The following CREBBP variants were observed in gnomAD, a reference collection of about 807,000 sequenced individuals.
CREBBP encodes CREB binding lysine acetyltransferase, also known as CREB-binding protein.
In CREBBP, 19 loss-of-function variants were observed where a neutral mutation model predicts 265.0. The observed-to-expected ratio is 0.07, with a 90% CI of 0.05 to 0.11. The LOEUF (loss-of-function observed/expected upper bound fraction) is 0.11, where lower values mean the gene tolerates loss of function less well. Among genes scored for constraint, CREBBP ranks in the 10% least tolerant of loss-of-function variants. The pLI is 1.00. For missense variants in CREBBP, 2,525 were observed against 3,219.0 expected (o/e 0.78, Z 5.22); for synonymous variants, 1,457 against 1,223.7 (o/e 1.19, Z -3.98).
chr16:3,730,075 GATGGGATCATGGACAAC>G lies in CREBBP; in HGVS notation c.5173-218_5173-202del, dbSNP rs367793587. ...ACGGACAAGATGGGATCATGGACGG[GATGGGATCATGGACAAC>G]ATGGGATCATGGACAGGACGGGGGC... On this transcript the variant is annotated intron_variant, in intron 30 of 30. Transcript: ENST00000262367. 0.047 allele frequency among the ~76,000 whole-genome samples: 7,131 copies of G among 152,188 alleles called. 536 individuals are homozygous for G. The highest frequency in any genetic ancestry group is 0.16 in the African/African-American group (6,628 of 41,454).
At chr16:3,763,773 T>C (rs533776494) in intron 16 of CREBBP, among the ~76,000 whole-genome samples, 1 of 152,254 alleles carries the variant, frequency 6.6e-6, no homozygotes, top group African/African-American at 2.4e-5. Flanking sequence ...CTGAAACAAT[T>C]TTTATAACAC....
At chr16:3,858,270 A>C (rs1329263787) in intron 1 of CREBBP, among the ~76,000 whole-genome samples, 2 of 152,178 alleles carry the variant, frequency 1.3e-5, no homozygotes, top group Non-Finnish European at 2.9e-5. Flanking sequence ...TCTGAAAAAA[A>C]TTTCAAAGCC....
chr16:3,745,351 G>A lies in CREBBP; in HGVS notation c.3840C>T (p.Phe1280=), dbSNP rs1230938889. Residue 1280 remains phenylalanine, a synonymous_variant, in exon 22 of 31, where the codon TTC becomes TTT. Transcript: ENST00000262367. ...KKNDTLDPEP[F]VDCKECGRKM... ...TCCGGCCACACTCCTTGCAATCAACGAAACTAGGAGGCAAAGAAGGCGCAC... is the reference window on the plus strand; with the variant it reads ...TCCGGCCACACTCCTTGCAATCAACAAAACTAGGAGGCAAAGAAGGCGCAC... 1.4e-5 allele frequency: 23 copies of A among 1,613,932 alleles called. No homozygotes were observed. Among genetic ancestry groups the A allele is most frequent in the Non-Finnish European group, 1.9e-5 (22 of 1,179,922 alleles).
intron 16 of CREBBP, chr16:3,761,694 C>G (rs1435351541): frequency 4.4e-6 from 2 of 449,928 alleles, no homozygotes; most frequent in African/African-American, 4.1e-5. Context: ...CCCACGCACA[C>G]GGTCCCCAGC....
chr16:3,767,650 T>A (rs2052887620), intron 16 of CREBBP, 70 bp downstream of exon 16: 3 of 1,594,314 alleles, frequency 1.9e-6, no homozygotes, highest in Non-Finnish European at 2.6e-6. Context: ...TAGCTTTTAA[T>A]CCTCCACATG....
chr16:3,827,418 G>A (rs367859923), intron 2 of CREBBP, among the ~76,000 whole-genome samples: 5 of 152,128 alleles, frequency 3.3e-5, no homozygotes, highest in Admixed American at 6.6e-5. Flanking sequence ...CTGAGACAGA[G>A]TCTCACTCTG....
rs910220012 is a variant in CREBBP, at chr16:3,762,980, T to C, written c.3251-4008A>G. Among the ~76,000 whole-genome samples, 3 of 151,870 alleles carry C rather than the reference T, an allele frequency of 2.0e-5. No homozygotes were observed. The East Asian group carries it at 5.8e-4, about 29-fold the overall frequency. On this transcript the variant is annotated intron_variant, in intron 16 of 30. Coordinates refer to ENST00000262367, the MANE Select transcript of CREBBP (RefSeq NM_004380.3). ...TAGTAGAGACAGGGTTTCACTGTAT[T>C]AGCCAGGATGGTCTCGATCTCCCGA...
At chr16:3,794,414 A>G (rs1193395260) in intron 3 of CREBBP, among the ~76,000 whole-genome samples, 1 of 148,614 alleles carries the variant, frequency 6.7e-6, no homozygotes, top group East Asian at 2.1e-4. Flanking sequence ...CATTTGATGT[A>G]GCAAAAAGAA....
At position 3,726,273 on chromosome 16, in the gene CREBBP, C is replaced by T. The variant is rs1287943951; in HGVS notation, c.*1445G>A. On this transcript the variant is annotated 3_prime_UTR_variant, in exon 31 of 31. Transcript: ENST00000262367. ...GGAGCCGCCTGAACACGGGAAGAAGCGCCGCCTCTGGGGGTGGCAGCTACG... is the reference window on the plus strand; with the variant it reads ...GGAGCCGCCTGAACACGGGAAGAAGTGCCGCCTCTGGGGGTGGCAGCTACG... 5 of 232,906 alleles carry T rather than the reference C, an allele frequency of 2.1e-5. No individual in the cohort carries two copies. Among genetic ancestry groups the T allele is most frequent in the Admixed American group, 1.1e-4 (2 of 17,748 alleles). 14.4% of individuals were successfully genotyped at this position (232,906 alleles called of 1,614,324 possible). A position where few individuals can be genotyped will look rare whatever the true frequency, so the allele number is the denominator to read the frequency against.
At chr16:3,810,106 A>T (rs2053907255) in intron 3 of CREBBP, among the ~76,000 whole-genome samples, 1 of 152,198 alleles carries the variant, frequency 6.6e-6, no homozygotes, top group Non-Finnish European at 1.5e-5. Context: ...TAGATTTCCC[A>T]TCTATAAAAT....
rs2052985727 is a variant in CREBBP, at chr16:3,770,812, G to A, written c.2638C>T (p.Pro880Ser). 2 of 1,614,114 alleles carry A rather than the reference G, an allele frequency of 1.2e-6. No individual in the cohort carries two copies. The highest frequency in any genetic ancestry group is 1.7e-5 in the Admixed American group (1 of 60,018). The stretch of plus-strand genomic sequence containing the variant: ...GGCTGAGTGGGAGCTGCTGGCTGGG[G>A]AGGAGTCATCCCAGGTGGTGTCGTG... The part of the protein sequence containing the change: ...QHTTPPGMTP[P>S]QPAAPTQPST... Residue 880 changes from proline to serine, a missense_variant, in exon 14 of 31, where the codon CCC (proline) becomes TCC (serine). This residue lies in a region of CREBBP where 548 missense variants were observed against 533.0 expected (regional missense o/e 1.03). Coordinates refer to ENST00000262367, the MANE Select transcript of CREBBP (RefSeq NM_004380.3).
At chr16:3,808,861 C>T (rs1298155026) in intron 3 of CREBBP, among the ~76,000 whole-genome samples, 1 of 152,190 alleles carries the variant, frequency 6.6e-6, no homozygotes, top group Non-Finnish European at 1.5e-5. Context: ...AGAGTCCACA[C>T]TACTGTCCTT....
chr16:3,767,250 G>A (rs916927480), intron 16 of CREBBP: 15 of 180,476 alleles, frequency 8.3e-5, no homozygotes, highest in Middle Eastern at 2.6e-3. Context: ...CCCTCACTCT[G>A]CATGCTCAGC....
At chr16:3,837,232 C>A (rs2054471266) in intron 2 of CREBBP, among the ~76,000 whole-genome samples, 1 of 152,120 alleles carries the variant, frequency 6.6e-6, no homozygotes, top group African/African-American at 2.4e-5. Context: ...TATTCATGAT[C>A]CTGACCCTGT....
chr16:3,812,011 TGA>T (rs2053947921), intron 2 of CREBBP, among the ~76,000 whole-genome samples: 1 of 151,962 alleles, frequency 6.6e-6, no homozygotes. Flanking sequence ...CCTTAACCCC[TGA>T]GTTGCTTAAG....
chr16:3,805,709 A>G (rs2053815457), intron 3 of CREBBP, among the ~76,000 whole-genome samples: 1 of 152,214 alleles, frequency 6.6e-6, no homozygotes, highest in African/African-American at 2.4e-5. Flanking sequence ...CTGAAGTACT[A>G]AAGTGGACAT....
In CREBBP at chr16:3,782,842, T is replaced by C. The variant is rs1292389647; in HGVS notation, c.1415A>G (p.Asn472Ser). 1 of 1,614,076 alleles carries C rather than the reference T, an allele frequency of 6.2e-7. No homozygotes were observed. Among genetic ancestry groups the C allele is most frequent in the South Asian group, 1.1e-5 (1 of 91,080 alleles). ...TGQQNATSLS[N>S]PNPIDPSSMQ... is the part of the protein sequence containing the mutation. ...GGAGCTGGGGTCTATGGGATTTGGG[T>C]TACTTAAAGAAGTGGCATTCTGTTG... is the stretch of plus-strand genomic sequence containing the variant. The change falls in exon 6 of 31, where the codon AAC (asparagine) becomes AGC (serine). Residue 472 changes from asparagine to serine, a missense_variant. Asn to Ser is a conservative substitution (Grantham distance 46). Coordinates refer to ENST00000262367, the MANE Select transcript of CREBBP (RefSeq NM_004380.3).
At chr16:3,775,483 G>C (rs2053115589) in intron 11 of CREBBP, among the ~76,000 whole-genome samples, 2 of 152,216 alleles carry the variant, frequency 1.3e-5, no homozygotes, top group Admixed American at 6.5e-5. Context: ...ACCCTTTAGA[G>C]AATTTCTGGA....
chr16:3,798,162 T>G (rs1272190002), intron 3 of CREBBP, among the ~76,000 whole-genome samples: 1 of 152,124 alleles, frequency 6.6e-6, no homozygotes, highest in Non-Finnish European at 1.5e-5. Flanking sequence ...CCTCTCTACC[T>G]CCCACTCAAA....
Sources: allele counts gnomAD v4.1 joint callset (sites outside exome capture counted in the v4.1 genomes callset), GRCh38; gene constraint gnomAD v4.1.1; regional missense constraint gnomAD v4.1.1; transcripts MANE v1.5; gene names NCBI Gene and HGNC (gene_info 2026-07-23, HGNC 2026-07-21).